Variants in MARCHF5 observed in about 807,000 individuals in gnomAD.
MARCHF5 encodes membrane associated ring-CH-type finger 5, also known as E3 ubiquitin-protein ligase MARCHF5.
In MARCHF5, 5 loss-of-function variants were observed where a neutral mutation model predicts 36.5. That is an observed-to-expected ratio of 0.14 (90% CI 0.07 to 0.29). The LOEUF is 0.29. Ranked by LOEUF, MARCHF5 falls within the 10% of genes least tolerant of loss-of-function variation. The pLI, the probability that MARCHF5 is intolerant of heterozygous loss-of-function variation, is 1.00. For synonymous variants in MARCHF5, 103 were observed against 109.9 expected, an observed-to-expected ratio of 0.94 and a Z score of 0.39; for missense variants, 179 against 336.3, an observed-to-expected ratio of 0.53 and a Z score of 3.66.
intron 3 of MARCHF5, among the ~76,000 whole-genome samples, chr10:92,341,381 C>T (rs990716462): frequency 4.6e-5 from 7 of 151,590 alleles, no homozygotes; most frequent in South Asian, 2.1e-4. Context: ...CCAGCACAGG[C>T]GACAGAGCGA....
At chr10:92,323,319 T>A (rs185630784) in intron 2 of MARCHF5, among the ~76,000 whole-genome samples, 1 of 152,246 alleles carries the variant, frequency 6.6e-6, no homozygotes, top group African/African-American at 2.4e-5. Context: ...CTGACTACTT[T>A]CCCCACTATC....
At chr10:92,329,136 G>C (rs1339970932) in intron 2 of MARCHF5, among the ~76,000 whole-genome samples, 2 of 152,066 alleles carry the variant, frequency 1.3e-5, no homozygotes, top group Non-Finnish European at 2.9e-5. Flanking sequence ...AGAAGAGATT[G>C]CTGAGTCAGA....
chr10:92,316,325 AACTT>A (rs1482600282), intron 2 of MARCHF5, among the ~76,000 whole-genome samples: 1 of 152,096 alleles, frequency 6.6e-6, no homozygotes, highest in African/African-American at 2.4e-5. Context: ...AGTTGTGAAA[AACTT>A]AAGAGGATTC....
intron 2 of MARCHF5, among the ~76,000 whole-genome samples, chr10:92,339,915 A>G (rs918003687): frequency 2.6e-5 from 4 of 152,328 alleles, no homozygotes; most frequent in Admixed American, 2.6e-4. Flanking sequence ...TTGGAATGCT[A>G]TAAAAACTGG....
At chr10:92,342,601 C>T (rs1017713118) in intron 3 of MARCHF5, among the ~76,000 whole-genome samples, 11 of 152,334 alleles carry the variant, frequency 7.2e-5, no homozygotes, top group African/African-American at 2.4e-4. Context: ...AAAGGACCTT[C>T]TTGGTTTATC....
chr10:92,324,387 A>T (rs1843328932), intron 2 of MARCHF5, among the ~76,000 whole-genome samples: 1 of 151,646 alleles, frequency 6.6e-6, no homozygotes, highest in Admixed American at 6.6e-5. Context: ...TATGAGACGG[A>T]GTCTCACTCT....
chr10:92,335,744 T>G (rs1224538408), intron 2 of MARCHF5, among the ~76,000 whole-genome samples: 1 of 152,168 alleles, frequency 6.6e-6, no homozygotes, highest in Non-Finnish European at 1.5e-5. Context: ...AAAATTGAGC[T>G]TGTTAGAAGC....
intron 3 of MARCHF5, among the ~76,000 whole-genome samples, chr10:92,343,114 T>C (rs1843598091): frequency 6.6e-6 from 1 of 152,258 alleles, no homozygotes; most frequent in Non-Finnish European, 1.5e-5. Context: ...TCCTCTGTAA[T>C]CGTACTTCGT....
intron 1 of MARCHF5, among the ~76,000 whole-genome samples, chr10:92,302,273 T>C (rs1188674583): frequency 6.6e-6 from 1 of 152,156 alleles, no homozygotes; most frequent in Non-Finnish European, 1.5e-5. Flanking sequence ...TAATGTGTCA[T>C]GATTGTGGTT....
Position 92,297,813 on chromosome 10 carries a change from C to T in MARCHF5, c.35+6284C>T, listed in dbSNP as rs553269222. Among the ~76,000 whole-genome samples, 19 of 151,986 alleles carry T rather than the reference C, an allele frequency of 1.3e-4. No individual in the cohort carries two copies. In the East Asian group the frequency reaches 2.3e-3, roughly 19 times the overall value. ...CCTTTTTTCTTTTTTAATCCAGTCT[C>T]GTTTATGACATTTAGATTCTTATTT... On this transcript the variant is annotated intron_variant, in intron 1 of 5. Coordinates refer to ENST00000358935, the MANE Select transcript of MARCHF5 (RefSeq NM_017824.5).
rs1843711641 is a variant in MARCHF5, at chr10:92,351,307, G to A, written c.*100G>A. 1.4e-6 allele frequency: 1 copy of A among 701,822 alleles called. No individual in the cohort carries two copies. The highest frequency in any genetic ancestry group is 1.8e-5 in the African/African-American group (1 of 54,436). 43.5% of individuals were successfully genotyped at this position (701,822 alleles called of 1,614,324 possible). On this transcript the variant is annotated 3_prime_UTR_variant, in exon 6 of 6. Coordinates refer to ENST00000358935, the MANE Select transcript of MARCHF5 (RefSeq NM_017824.5). Reference sequence around the variant, plus strand: ...CACTTGTGGAGACTTGTGATAAGCTGCTGCTCCTATATTTTTTAAGAAATA... The same window carrying A: ...CACTTGTGGAGACTTGTGATAAGCTACTGCTCCTATATTTTTTAAGAAATA...
chr10:92,349,375 T>C lies in MARCHF5; in HGVS notation c.396T>C (p.Asp132=). 1 of 1,613,310 alleles carries C rather than the reference T, an allele frequency of 6.2e-7. No individual in the cohort carries two copies. Among genetic ancestry groups the C allele is most frequent in the Non-Finnish European group, 8.5e-7 (1 of 1,179,680 alleles). The change falls in exon 4 of 6, where the codon GAT becomes GAC. Residue 132 remains aspartate, a synonymous_variant. Transcript: ENST00000358935. ...TTGTAGGTCATAAAGAAGGTCTGGA[T>C]GTTATGGAGAGAGCTGATCCTTTAT... ...MQVVGHKEGL[D]VMERADPLFL...
At chr10:92,299,847 T>A (rs533747395) in intron 1 of MARCHF5, among the ~76,000 whole-genome samples, 2 of 152,280 alleles carry the variant, frequency 1.3e-5, no homozygotes, top group South Asian at 4.1e-4. Flanking sequence ...ACCATTTTTT[T>A]AAATTGCCTC....
intron 2 of MARCHF5, among the ~76,000 whole-genome samples, chr10:92,325,807 A>G (rs770516069): frequency 3.0e-4 from 45 of 152,016 alleles, no homozygotes; most frequent in Non-Finnish European, 5.9e-4. Flanking sequence ...CCTCCCGAGT[A>G]GCTGGGATTA....
At chr10:92,291,654 C>T in intron 1 of MARCHF5, 125 bp downstream of exon 1, 2 of 1,378,200 alleles carry the variant, frequency 1.5e-6, no homozygotes, top group South Asian at 3.0e-5. Context: ...GCCAGGGGGC[C>T]GTGAGAGGGG....
Position 92,351,113 on chromosome 10 carries a change from T to C in MARCHF5, c.743T>C (p.Ile248Thr), listed in dbSNP as rs144066123. 8.1e-6 allele frequency: 13 copies of C among 1,611,812 alleles called. No homozygotes were observed. The highest frequency in any genetic ancestry group is 1.1e-5 in the Non-Finnish European group (13 of 1,178,554). The change falls in exon 6 of 6, where the codon ATA (isoleucine) becomes ACA (threonine). Residue 248 changes from isoleucine to threonine, a missense_variant. By Grantham distance (89) the Ile-to-Thr change is moderately conservative (BLOSUM62 -1). This residue lies in a region of MARCHF5 where 95 missense variants were observed against 139.5 expected (regional missense o/e 0.68). Transcript: ENST00000358935. The stretch of plus-strand genomic sequence containing the variant: ...TAGGGTGGAATTGCGTTTGTTGCCA[T>C]AAAAGGAGCATTTAAAGTTTACTTC... Reference protein sequence around the residue: ...TILGGIAFVAIKGAFKVYFKQ... With the variant: ...TILGGIAFVATKGAFKVYFKQ...
intron 5 of MARCHF5, 21 bp downstream of exon 5, chr10:92,349,858 C>T: frequency 6.3e-7 from 1 of 1,575,644 alleles, no homozygotes; most frequent in African/African-American, 1.4e-5. Flanking sequence ...TTTAACATTA[C>T]TTATATTACC....
chr10:92,329,121 A>C (rs1843407104), intron 2 of MARCHF5, among the ~76,000 whole-genome samples: 1 of 152,174 alleles, frequency 6.6e-6, no homozygotes, highest in Non-Finnish European at 1.5e-5. Context: ...TTATGTTATC[A>C]ATCAAGAAGA....
chr10:92,350,325 C>T (rs1843702174), intron 5 of MARCHF5: 1 of 154,954 alleles, frequency 6.5e-6, no homozygotes, highest in Non-Finnish European at 1.4e-5. Flanking sequence ...GGCATGTAAC[C>T]TGCACGGACC....
Sources: gnomAD v4.1 joint callset for allele counts (sites outside exome capture counted in the v4.1 genomes callset) on GRCh38, gnomAD v4.1.1 for gene constraint, gnomAD v4.1.1 regional missense constraint, MANE v1.5 for transcripts, NCBI Gene and HGNC (gene_info 2026-07-23, HGNC 2026-07-21) for gene names.